The following RSRC1 variants were observed in gnomAD, a reference collection of about 807,000 sequenced individuals.
RSRC1 encodes serine/Arginine-related protein 53.
In RSRC1, 39 loss-of-function variants were observed where a neutral mutation model predicts 49.1. That is an observed-to-expected ratio of 0.79 (90% confidence interval 0.61 to 1.04). RSRC1 has a LOEUF of 1.04. RSRC1 is among the 50% of genes least tolerant of loss of function. RSRC1 has a pLI of 0.00. For missense variants in RSRC1, 388 were observed against 402.4 expected, an observed-to-expected ratio of 0.96 and a Z score of 0.31; for synonymous variants, 143 against 130.8, an observed-to-expected ratio of 1.09 and a Z score of -0.63.
At chr3:158,355,246 T>C in intron 6 of RSRC1, among the ~76,000 whole-genome samples, 1 of 151,952 alleles carries the variant, frequency 6.6e-6, no homozygotes, top group East Asian at 1.9e-4. Flanking sequence ...AATCCCAGAT[T>C]ATGATTTTTT....
At chr3:158,433,054 T>A (rs7610691) in intron 6 of RSRC1, among the ~76,000 whole-genome samples, 1 of 151,638 alleles carries the variant, frequency 6.6e-6, no homozygotes, top group African/African-American at 2.4e-5. Flanking sequence ...TCCTCTATAT[T>A]AAAACAGAGA....
At chr3:158,411,386 T>G (rs530672166) in intron 6 of RSRC1, among the ~76,000 whole-genome samples, 2 of 152,276 alleles carry the variant, frequency 1.3e-5, no homozygotes, top group East Asian at 3.9e-4. Flanking sequence ...TTTTCCAAAG[T>G]GGATATACGA....
chr3:158,332,393 G>T (rs750784187), intron 5 of RSRC1, among the ~76,000 whole-genome samples: 1 of 151,388 alleles, frequency 6.6e-6, no homozygotes, highest in South Asian at 2.1e-4. Context: ...GTCTCCTGGG[G>T]CAAAAAACTG....
At chr3:158,473,818 A>G (rs1738251431) in intron 7 of RSRC1, among the ~76,000 whole-genome samples, 1 of 152,204 alleles carries the variant, frequency 6.6e-6, no homozygotes, top group Admixed American at 6.5e-5. Context: ...ATTCAAAATT[A>G]GAAGCAACTA....
At chr3:158,392,699 A>G (rs1733385861) in intron 6 of RSRC1, among the ~76,000 whole-genome samples, 1 of 151,222 alleles carries the variant, frequency 6.6e-6, no homozygotes, top group African/African-American at 2.4e-5. Context: ...GAGATCTACA[A>G]AGAGACTTAG....
intron 6 of RSRC1, among the ~76,000 whole-genome samples, chr3:158,405,412 A>T (rs1734113035): frequency 1.3e-5 from 2 of 152,156 alleles, no homozygotes. Context: ...CATTTAATAC[A>T]TGAAATTCTT....
At chr3:158,443,033 C>A (rs991573287) in intron 6 of RSRC1, among the ~76,000 whole-genome samples, 8 of 152,038 alleles carry the variant, frequency 5.3e-5, no homozygotes, top group Non-Finnish European at 2.9e-5. Flanking sequence ...TAATCATAAA[C>A]CATGCTATAA....
chr3:158,500,846 T>C (rs977680954), intron 7 of RSRC1, among the ~76,000 whole-genome samples: 1 of 152,116 alleles, frequency 6.6e-6, no homozygotes, highest in Non-Finnish European at 1.5e-5. Context: ...ATTTTTTTTG[T>C]TTCAATTTCA....
At chr3:158,505,432 C>A (rs917055761) in intron 7 of RSRC1, among the ~76,000 whole-genome samples, 2 of 152,012 alleles carry the variant, frequency 1.3e-5, no homozygotes, top group African/African-American at 4.8e-5. Flanking sequence ...TTTACTGATT[C>A]CCCACTGTGG....
At chr3:158,512,639 C>T (rs1740255958) in intron 7 of RSRC1, among the ~76,000 whole-genome samples, 1 of 150,772 alleles carries the variant, frequency 6.6e-6, no homozygotes, top group South Asian at 2.1e-4. Context: ...TAGTTTTTTC[C>T]AATTCTGTGA....
chr3:158,471,378 T>A (rs1436565995), intron 7 of RSRC1, among the ~76,000 whole-genome samples: 1 of 152,136 alleles, frequency 6.6e-6, no homozygotes, highest in Non-Finnish European at 1.5e-5. Context: ...TTAATATACA[T>A]GAAGCCCTTA....
At chr3:158,268,599 A>G (rs1429267435) in intron 4 of RSRC1, among the ~76,000 whole-genome samples, 1 of 152,048 alleles carries the variant, frequency 6.6e-6, no homozygotes, top group East Asian at 1.9e-4. Context: ...GTAACTCTTC[A>G]CTTCTAAGTG....
chr3:158,410,971 C>T (rs756038688), intron 6 of RSRC1, among the ~76,000 whole-genome samples: 25 of 152,008 alleles, frequency 1.6e-4, no homozygotes, highest in Admixed American at 2.6e-4. Flanking sequence ...ATGTTGAGCA[C>T]TTTCTTGCTT....
intron 5 of RSRC1, among the ~76,000 whole-genome samples, chr3:158,335,171 G>A (rs1729813606): frequency 6.6e-6 from 1 of 152,318 alleles, no homozygotes; most frequent in Non-Finnish European, 1.5e-5. Context: ...GTGGCAGTCT[G>A]TAGCATTTTT....
At chr3:158,500,034 G>A (rs756942240) in intron 7 of RSRC1, among the ~76,000 whole-genome samples, 3 of 152,164 alleles carry the variant, frequency 2.0e-5, no homozygotes, top group Non-Finnish European at 4.4e-5. Context: ...ATTGAGGTAT[G>A]TCCCTTGTAT....
chr3:158,419,229 C>G (rs1734909444), intron 6 of RSRC1, among the ~76,000 whole-genome samples: 1 of 151,940 alleles, frequency 6.6e-6, no homozygotes, highest in East Asian at 1.9e-4. Context: ...TAGACTTCCA[C>G]AAAGATTTCT....
chr3:158,295,172 A>G (rs979944090), intron 4 of RSRC1, among the ~76,000 whole-genome samples: 1 of 152,102 alleles, frequency 6.6e-6, no homozygotes, highest in South Asian at 2.1e-4. Context: ...GGTTTCCCCA[A>G]TTGAAGAATG....
In RSRC1 at chr3:158,235,884, A is replaced by C. The variant is rs994251998; in HGVS notation, c.494+32639A>C. Among the ~76,000 whole-genome samples, 3 of 152,276 alleles carry C rather than the reference A, an allele frequency of 2.0e-5. 1 individual carries two copies. On this transcript the variant is annotated intron_variant, in intron 4 of 9. Coordinates refer to ENST00000611884, the MANE Select transcript of RSRC1 (RefSeq NM_001271838.2). ...TATCATCCCAGCACTTTGGGAGGCC[A>C]AGGTAGGTGGATCTTGAGGTCAGGA...
intron 4 of RSRC1, among the ~76,000 whole-genome samples, chr3:158,217,545 A>C (rs1303712698): frequency 1.3e-5 from 2 of 151,664 alleles, no homozygotes; most frequent in Non-Finnish European, 3.0e-5. Context: ...CCTCACATTA[A>C]ATTAATTATC....
Sources: gnomAD v4.1 joint callset for allele counts (sites outside exome capture counted in the v4.1 genomes callset) on GRCh38, gnomAD v4.1.1 for gene constraint, MANE v1.5 for transcripts, NCBI Gene and HGNC (gene_info 2026-07-23, HGNC 2026-07-21) for gene names.